MAX: variants seen among roughly 807,000 people sequenced by gnomAD.
MAX encodes the protein MYC associated transcriptional regulator X.
In MAX, 3 loss-of-function variants were observed where a neutral mutation model predicts 22.3. That is an observed-to-expected ratio of 0.13 (90% confidence interval 0.06 to 0.35). The LOEUF (loss-of-function observed/expected upper bound fraction) is 0.35. MAX is among the 10% of genes least tolerant of loss of function. MAX has a pLI of 1.00. For missense variants in MAX, 119 were observed against 209.4 expected (o/e 0.57, Z 2.66); for synonymous variants, 72 against 77.7 (o/e 0.93, Z 0.39).
At chr14:65,040,357 AAG>A (rs1391406531) in intron 3 of MAX, among the ~76,000 whole-genome samples, 3 of 150,694 alleles carry the variant, frequency 2.0e-5, no homozygotes, top group African/African-American at 7.3e-5. Flanking sequence ...CTTTTTCCCA[AAG>A]AGTAATAATT....
chr14:65,076,433 G>A lies in MAX; in HGVS notation c.*43C>T, dbSNP rs2139738344. On this transcript the variant is annotated 3_prime_UTR_variant, in exon 5 of 5. Coordinates refer to ENST00000358664, the MANE Select transcript of MAX (RefSeq NM_002382.5). This position sits in a 1 kb window ranked among gnomAD's most constrained non-coding sequence, Gnocchi z 6.6. ...CAACGAACTGAAAGGAGGATGAGAC[G>A]ATGGAGACAGACAGTTTTTATTGCT... 6.2e-7 allele frequency: 1 copy of A among 1,612,122 alleles called. No homozygotes were observed. Among genetic ancestry groups the A allele is most frequent in the Non-Finnish European group, 8.5e-7 (1 of 1,180,020 alleles).
chr14:65,075,216 C>CT lies in MAX; in HGVS notation c.*1259dup. ...ATTCTTCGGCAGTATGTACAACATA[C>CT]TTTTTATTTCCATGGAATGGAATCA... On this transcript the variant is annotated 3_prime_UTR_variant, in exon 5 of 5. Coordinates refer to ENST00000358664, the MANE Select transcript of MAX (RefSeq NM_002382.5). The surrounding 1 kb of genome is among the most constrained non-coding windows in gnomAD (Gnocchi z 4.1). The CT allele has an allele frequency of 9.5e-7, 1 of 1,051,124 alleles. No homozygotes were observed. Among genetic ancestry groups the CT allele is most frequent in the Non-Finnish European group, 1.1e-6 (1 of 870,434 alleles). The allele number at this position is 1,051,124 out of a possible 1,614,324, so 65.1% of individuals were successfully genotyped here.
chr14:65,095,086 G>A (rs952736978), intron 2 of MAX, among the ~76,000 whole-genome samples: 2 of 152,212 alleles, frequency 1.3e-5, no homozygotes, highest in Non-Finnish European at 2.9e-5. Context: ...TTGTGAAAAC[G>A]AAAGGACTTG....
chr14:65,073,096 AT>A (rs1566593769), downstream of MAX, among the ~76,000 whole-genome samples: 1 of 152,228 alleles, frequency 6.6e-6, no homozygotes, highest in Admixed American at 6.5e-5. Context: ...GGTCAAGCAC[AT>A]TATAAGCATT....
At chr14:65,053,348 AAGTG>A (rs2062654343) in intron 3 of MAX, 1 of 1,426,952 alleles carries the variant, frequency 7.0e-7, no homozygotes, top group Non-Finnish European at 9.2e-7. Context: ...TAAACCTGGC[AAGTG>A]AGTGTTTTCT....
rs2063047980 is a variant in MAX, at chr14:65,076,036, C to G, written c.*440G>C. Reference sequence around the variant, plus strand: ...AACCGGTCATCTTCTCAAAGTAGAGCAGTTCAGATTCACAAAGTCTATCAG... The same window carrying G: ...AACCGGTCATCTTCTCAAAGTAGAGGAGTTCAGATTCACAAAGTCTATCAG... On this transcript the variant is annotated 3_prime_UTR_variant, in exon 5 of 5. Coordinates refer to ENST00000358664, the MANE Select transcript of MAX (RefSeq NM_002382.5). The surrounding 1 kb of genome is among the most constrained non-coding windows in gnomAD (Gnocchi z 6.6). 8.8e-7 allele frequency: 1 copy of G among 1,142,146 alleles called. No individual in the cohort carries two copies. The highest frequency in any genetic ancestry group is 1.1e-6 in the Non-Finnish European group (1 of 927,362). 70.8% of individuals were successfully genotyped at this position (1,142,146 alleles called of 1,614,324 possible). A position where few individuals can be genotyped will look rare whatever the true frequency, so the allele number is the denominator to read the frequency against.
At chr14:65,040,310 TATATATGTAC>T (rs1172387441) in intron 3 of MAX, among the ~76,000 whole-genome samples, 3 of 149,334 alleles carry the variant, frequency 2.0e-5, no homozygotes, top group African/African-American at 7.3e-5. Context: ...TATATATGTG[TATATATGTAC>T]ATATATGTAT....
chr14:65,092,588 G>A lies in MAX; in HGVS notation c.171+1120C>T, dbSNP rs568065430. Reference sequence around the variant, plus strand: ...CATTAAATCAAGTCCACACTAAGTAGGCTTAACCCATGGCAAATTCTGGTT... The same window carrying A: ...CATTAAATCAAGTCCACACTAAGTAAGCTTAACCCATGGCAAATTCTGGTT... On this transcript the variant is annotated intron_variant, in intron 3 of 4. Transcript: ENST00000358664. Among the ~76,000 whole-genome samples, 11 of 152,292 alleles carry A rather than the reference G, an allele frequency of 7.2e-5. No homozygotes were observed. The South Asian group carries it at 2.1e-3, about 29-fold the overall frequency.
In MAX at chr14:65,082,411, A is replaced by G. The variant is rs1045653184; in HGVS notation, c.172-4375T>C. ...AATTGTCTCTGCACCGGTAACAGGCATAAGAATTGAGTTGCAAGTGAGGCA... is the reference window on the plus strand; with the variant it reads ...AATTGTCTCTGCACCGGTAACAGGCGTAAGAATTGAGTTGCAAGTGAGGCA... On this transcript the variant is annotated intron_variant, in intron 3 of 4. Coordinates refer to ENST00000358664, the MANE Select transcript of MAX (RefSeq NM_002382.5). The surrounding 1 kb of genome is among the most constrained non-coding windows in gnomAD (Gnocchi z 4.8). The G allele has an allele frequency of 2.0e-5, 3 of 152,228 alleles. No homozygotes were observed. Among genetic ancestry groups the G allele is most frequent in the Admixed American group, 6.5e-5 (1 of 15,282 alleles). The allele number at this position is 152,228 out of a possible 1,614,324, so 9.4% of individuals were successfully genotyped here. A position where few individuals can be genotyped will look rare whatever the true frequency, so the allele number is the denominator to read the frequency against.
At chr14:65,026,035 C>T (rs2061973638) in intron 3 of MAX, among the ~76,000 whole-genome samples, 1 of 152,174 alleles carries the variant, frequency 6.6e-6, no homozygotes, top group Non-Finnish European at 1.5e-5. Flanking sequence ...GTGATGTTGG[C>T]AAACAGTTAT....
chr14:65,040,802 G>A, intron 3 of MAX: 3 of 1,613,142 alleles, frequency 1.9e-6, no homozygotes, highest in Non-Finnish European at 2.5e-6. Context: ...GTCAGAACTG[G>A]GAAGGTGGCA....
At chr14:65,017,035 G>C (rs2061788592) in intron 3 of MAX, among the ~76,000 whole-genome samples, 1 of 148,054 alleles carries the variant, frequency 6.8e-6, no homozygotes, top group East Asian at 2.0e-4. Flanking sequence ...CGATTCTCCT[G>C]CCTCAGCCTC....
rs551635120 is a variant in MAX, at chr14:65,031,648, C to T, written c.172-25364G>A. Among the ~76,000 whole-genome samples, 24 of 151,396 alleles carry T rather than the reference C, an allele frequency of 1.6e-4. No individual in the cohort carries two copies. The South Asian group carries it at 3.0e-3, about 19-fold the overall frequency. On this transcript the variant is annotated intron_variant, in intron 3 of 3. Coordinates refer to the MAX transcript ENST00000341653. The surrounding 1 kb of genome is among the most constrained non-coding windows in gnomAD (Gnocchi z 4.6). ...GCTTTTTTAAAAAATAGCCCGGGCG[C>T]GGTGGCTTATGCCTGTAATCCCAGC...
At chr14:65,085,045 A>G (rs2063295284) in intron 3 of MAX, among the ~76,000 whole-genome samples, 1 of 152,018 alleles carries the variant, frequency 6.6e-6, no homozygotes, top group African/African-American at 2.4e-5. Flanking sequence ...TGTGGCTAAT[A>G]AACACTTGAA....
intron 3 of MAX, among the ~76,000 whole-genome samples, chr14:65,059,929 G>A (rs1050087936): frequency 4.6e-5 from 7 of 150,930 alleles, no homozygotes; most frequent in Admixed American, 3.3e-4. Context: ...CGCCTCCCGG[G>A]TTCAAGCAAT....
At chr14:65,086,532 C>T (rs573630838) in intron 3 of MAX, among the ~76,000 whole-genome samples, 8 of 152,272 alleles carry the variant, frequency 5.3e-5, no homozygotes, top group Admixed American at 1.3e-4. Flanking sequence ...ACTCCTGTTA[C>T]GTTTCAGCAA....
intron 3 of MAX, among the ~76,000 whole-genome samples, chr14:65,021,388 TGTTA>T (rs1319874046): frequency 2.0e-5 from 3 of 152,226 alleles, no homozygotes; most frequent in African/African-American, 7.2e-5. Context: ...TTCAAAAGGT[TGTTA>T]GTAGCTTATC....
intron 3 of MAX, among the ~76,000 whole-genome samples, chr14:65,060,960 C>T (rs1214415585): frequency 6.7e-6 from 1 of 149,344 alleles, no homozygotes; most frequent in East Asian, 1.9e-4. Flanking sequence ...TTGCCTGTAT[C>T]GTTAAATATT....
In MAX at chr14:65,084,175, A is replaced by G. The variant is rs1453072013; in HGVS notation, c.172-6139T>C. On this transcript the variant is annotated intron_variant, in intron 3 of 4. Transcript: ENST00000358664. This position sits in a 1 kb window ranked among gnomAD's most constrained non-coding sequence, Gnocchi z 4.3. The stretch of plus-strand genomic sequence containing the variant: ...ATTTGTGTAAGGGGTCAAAACAATC[A>G]TTTTTTAAATCTTGCATTCTTTTTT... The G allele has an allele frequency of 6.2e-7, 1 of 1,613,858 alleles. No individual in the cohort carries two copies. Among genetic ancestry groups the G allele is most frequent in the South Asian group, 1.1e-5 (1 of 91,072 alleles).
Sources: gnomAD v4.1 joint callset for allele counts (sites outside exome capture counted in the v4.1 genomes callset) on GRCh38, gnomAD v4.1.1 for gene constraint, Gnocchi (gnomAD v3.1) non-coding constraint, MANE v1.5 for transcripts, NCBI Gene and HGNC (gene_info 2026-07-23, HGNC 2026-07-21) for gene names.